EXOC4: variants seen among roughly 807,000 people sequenced by gnomAD.
EXOC4 encodes exocyst complex component 4, also known as SEC8-like 1.
EXOC4 carries 71 observed loss-of-function variants against 107.2 expected under a neutral mutation model. The ratio of observed to expected loss-of-function variants is 0.66; its 90% confidence interval spans 0.55 to 0.81. The LOEUF is 0.81. Ranked by LOEUF, EXOC4 falls within the 30% of genes least tolerant of loss-of-function variation. EXOC4 has a pLI of 0.00. For missense variants in EXOC4, 1,108 were observed against 1,189.6 expected (o/e 0.93, Z 1.01); for synonymous variants, 456 against 441.2 (o/e 1.03, Z -0.42).
intron 11 of EXOC4, among the ~76,000 whole-genome samples, chr7:133,829,099 G>C (rs1797757811): frequency 6.6e-6 from 1 of 152,194 alleles, no homozygotes; most frequent in Non-Finnish European, 1.5e-5. Context: ...GAGGAGAAAA[G>C]TGACCTGAAC....
chr7:133,623,918 A>G (rs1159485911), intron 9 of EXOC4, among the ~76,000 whole-genome samples: 1 of 152,188 alleles, frequency 6.6e-6, no homozygotes, highest in Non-Finnish European at 1.5e-5. Context: ...AAGGAATGTA[A>G]TCTAAAAGAA....
At chr7:133,576,492 A>G (rs1801130777) in intron 9 of EXOC4, 1 of 1,283,670 alleles carries the variant, frequency 7.8e-7, no homozygotes, top group Non-Finnish European at 1.0e-6. Context: ...GTTGCATTTG[A>G]TTTATTTAAA....
At chr7:133,401,348 C>T (rs776845635) in intron 7 of EXOC4, among the ~76,000 whole-genome samples, 2 of 152,000 alleles carry the variant, frequency 1.3e-5, no homozygotes, top group Admixed American at 1.3e-4. Flanking sequence ...TCTTTCTTAG[C>T]AAGGACAGTT....
At position 133,572,543 on chromosome 7, in the gene EXOC4, A is replaced by G. The variant is rs542722002; in HGVS notation, c.1418-57502A>G. ...ATATAATTTTTTTTTAAAAAAATTG[A>G]TAGTCTTCCTGTGTGTACAGGAAAG... On this transcript the variant is annotated intron_variant, in intron 9 of 17. Transcript: ENST00000253861. Among the ~76,000 whole-genome samples, 5 of 152,348 alleles carry G rather than the reference A, an allele frequency of 3.3e-5. No individual in the cohort carries two copies. The East Asian group carries it at 7.7e-4, about 23-fold the overall frequency.
chr7:134,062,747 A>G (rs1053591371), intron 17 of EXOC4, among the ~76,000 whole-genome samples: 1 of 152,366 alleles, frequency 6.6e-6, no homozygotes, highest in South Asian at 2.1e-4. Context: ...TCACAGCTTC[A>G]GAGTCCAGTA....
intron 9 of EXOC4, among the ~76,000 whole-genome samples, chr7:133,578,919 A>G (rs1801191223): frequency 2.0e-5 from 3 of 152,158 alleles, no homozygotes; most frequent in South Asian, 4.1e-4. Context: ...CAGTGCCACG[A>G]CTGCTCTGCC....
intron 3 of EXOC4, among the ~76,000 whole-genome samples, chr7:133,294,195 T>C (rs1584785986): frequency 6.6e-6 from 1 of 152,326 alleles, no homozygotes; most frequent in East Asian, 1.9e-4. Flanking sequence ...ATTATTAATA[T>C]AAGAATAGCA....
At chr7:133,821,235 A>G (rs1388633629) in intron 11 of EXOC4, among the ~76,000 whole-genome samples, 1 of 152,232 alleles carries the variant, frequency 6.6e-6, no homozygotes, top group Non-Finnish European at 1.5e-5. Flanking sequence ...TTTAAAATGT[A>G]TGGCAACTCT....
chr7:133,588,946 A>G (rs1211101662), intron 9 of EXOC4, among the ~76,000 whole-genome samples: 1 of 149,646 alleles, frequency 6.7e-6, no homozygotes, highest in Admixed American at 6.6e-5. Flanking sequence ...GTGTATGTAT[A>G]TGTGTGTGTG....
intron 11 of EXOC4, among the ~76,000 whole-genome samples, chr7:133,885,686 A>G (rs1799070281): frequency 6.6e-6 from 1 of 152,136 alleles, no homozygotes; most frequent in Non-Finnish European, 1.5e-5. Context: ...TGATTCTTCA[A>G]AGATGAGAGT....
At chr7:133,394,104 AC>A (rs1336105030) in intron 7 of EXOC4, among the ~76,000 whole-genome samples, 1 of 152,132 alleles carries the variant, frequency 6.6e-6, no homozygotes, top group African/African-American at 2.4e-5. Context: ...GGCAAGAGAA[AC>A]CATTAATAAT....
At chr7:133,441,020 C>A (rs530992936) in intron 7 of EXOC4, among the ~76,000 whole-genome samples, 1 of 151,972 alleles carries the variant, frequency 6.6e-6, no homozygotes, top group African/African-American at 2.4e-5. Context: ...GGACCCCTTT[C>A]TGGTAACAGA....
At chr7:133,410,404 C>T (rs573975215) in intron 7 of EXOC4, among the ~76,000 whole-genome samples, 3 of 152,212 alleles carry the variant, frequency 2.0e-5, no homozygotes, top group South Asian at 4.1e-4. Context: ...TTTTCTCCAC[C>T]TGTGGCTCTG....
At position 133,338,790 on chromosome 7, in the gene EXOC4, G is replaced by A. The variant is rs1355925116; in HGVS notation, c.764-17540G>A. Among the ~76,000 whole-genome samples the A allele has an allele frequency of 5.9e-5, 7 of 118,882 alleles. No individual in the cohort carries two copies. The East Asian group carries it at 8.4e-4, about 14-fold the overall frequency. The allele number at this position is 118,882 out of a possible 152,430, so 78.0% of individuals were successfully genotyped here. The stretch of plus-strand genomic sequence containing the variant: ...TTTTTTCAGACAGAGTTTTGCTCTC[G>A]TTGCCCAGGCTGGAGTGCAATGGGG... On this transcript the variant is annotated intron_variant, in intron 5 of 17. Coordinates refer to ENST00000253861, the MANE Select transcript of EXOC4 (RefSeq NM_021807.4).
chr7:133,491,947 G>A lies in EXOC4; in HGVS notation c.1417+11809G>A, dbSNP rs117398195. Among the ~76,000 whole-genome samples, 5 of 152,292 alleles carry A rather than the reference G, an allele frequency of 3.3e-5. No homozygotes were observed. The East Asian group carries it at 9.6e-4, about 29-fold the overall frequency. ...ACTGGAAATATTTTATTGTGGTTAAGCATAAAGTGTATGGGGAAGATTGAA... is the reference window on the plus strand; with the variant it reads ...ACTGGAAATATTTTATTGTGGTTAAACATAAAGTGTATGGGGAAGATTGAA... On this transcript the variant is annotated intron_variant, in intron 9 of 17. Coordinates refer to ENST00000253861, the MANE Select transcript of EXOC4 (RefSeq NM_021807.4).
chr7:133,809,914 C>G (rs915566478), intron 10 of EXOC4, among the ~76,000 whole-genome samples: 7 of 151,986 alleles, frequency 4.6e-5, no homozygotes, highest in African/African-American at 1.7e-4. Context: ...AAATTTGTAC[C>G]TTTGATTTTG....
At chr7:133,942,588 T>A (rs1174768369) in intron 14 of EXOC4, among the ~76,000 whole-genome samples, 1 of 152,186 alleles carries the variant, frequency 6.6e-6, no homozygotes, top group Non-Finnish European at 1.5e-5. Context: ...GAAATTAAGG[T>A]CTCAGGGTGG....
chr7:133,752,492 T>A (rs1335712667), intron 10 of EXOC4, among the ~76,000 whole-genome samples: 3 of 152,188 alleles, frequency 2.0e-5, no homozygotes, highest in African/African-American at 7.2e-5. Flanking sequence ...TGTTCTTTCA[T>A]TGATTCAGGA....
the EXOC4 span, among the ~76,000 whole-genome samples, chr7:134,092,378 C>A: frequency 8.6e-5 from 13 of 151,962 alleles, no homozygotes; most frequent in Non-Finnish European, 1.8e-4. Context: ...CAGGAAAAGA[C>A]AAGTCAATAG....
Sources: allele counts gnomAD v4.1 joint callset (sites outside exome capture counted in the v4.1 genomes callset), GRCh38; gene constraint gnomAD v4.1.1; transcripts MANE v1.5; gene names NCBI Gene and HGNC (gene_info 2026-07-23, HGNC 2026-07-21).